INSL6: variants seen among roughly 807,000 people sequenced by gnomAD.
INSL6 encodes insulin like 6.
INSL6 carries 16 observed loss-of-function variants against 9.4 expected under a neutral mutation model. The observed-to-expected ratio is 1.70, with a 90% CI of 1.15 to 2.59. The LOEUF (loss-of-function observed/expected upper bound fraction) is 2.59, where lower values mean the gene tolerates loss of function less well. INSL6 is among the 30% of genes most tolerant of loss of function. The pLI is 0.00. For synonymous variants in INSL6, 154 were observed against 96.9 expected (o/e 1.59, Z -3.46); for missense variants, 391 against 257.3 (o/e 1.52, Z -3.56).
chr9:4,994,836 G>C, the INSL6 span, among the ~76,000 whole-genome samples: 1 of 152,028 alleles, frequency 6.6e-6, no homozygotes, highest in Admixed American at 6.5e-5. Flanking sequence ...AGAGTTGTCT[G>C]TATTTGTCTC....
chr9:4,995,936 T>A, the INSL6 span, among the ~76,000 whole-genome samples: 1 of 152,200 alleles, frequency 6.6e-6, no homozygotes, highest in African/African-American at 2.4e-5. Context: ...CTCTTATTAG[T>A]CTATTTTTGG....
the INSL6 span, among the ~76,000 whole-genome samples, chr9:5,006,605 A>G: frequency 6.6e-6 from 1 of 152,144 alleles, no homozygotes; most frequent in Non-Finnish European, 1.5e-5. Context: ...GGTGAAGGGG[A>G]AAAAAGTACA....
At chr9:5,035,720 G>A in the INSL6 span, among the ~76,000 whole-genome samples, 1 of 152,160 alleles carries the variant, frequency 6.6e-6, no homozygotes, top group Non-Finnish European at 1.5e-5. Context: ...AGGTATTGAT[G>A]GGACGTGTCT....
the INSL6 span, among the ~76,000 whole-genome samples, chr9:5,088,168 CAG>C: frequency 6.6e-6 from 1 of 152,142 alleles, no homozygotes; most frequent in African/African-American, 2.4e-5. Context: ...TCCGCGGTCA[CAG>C]AGAGAGCAAG....
At chr9:5,009,272 A>C in the INSL6 span, among the ~76,000 whole-genome samples, 1 of 152,200 alleles carries the variant, frequency 6.6e-6, no homozygotes, top group East Asian at 1.9e-4. Flanking sequence ...AATGCAAAAG[A>C]GGCAAAATTA....
chr9:5,048,791 C>T, the INSL6 span, among the ~76,000 whole-genome samples: 5 of 152,140 alleles, frequency 3.3e-5, no homozygotes, highest in African/African-American at 1.2e-4. Context: ...GCTTTAATTT[C>T]ATGAGACAAG....
chr9:5,015,891 AT>A, the INSL6 span, among the ~76,000 whole-genome samples: 1 of 147,808 alleles, frequency 6.8e-6, no homozygotes, highest in African/African-American at 2.7e-5. Context: ...ATATTAAAAT[AT>A]AAAAAGAGTA....
chr9:5,040,888 G>T, the INSL6 span: 1 of 296,296 alleles, frequency 3.4e-6, no homozygotes, highest in African/African-American at 2.3e-5. Context: ...GCGCCGCGCT[G>T]CTGAAGCCTG....
chr9:5,149,719 G>A (rs1030313727), intron 2 of INSL6, among the ~76,000 whole-genome samples: 28 of 151,042 alleles, frequency 1.9e-4, no homozygotes, highest in Non-Finnish European at 3.5e-4. Context: ...TTTTTTCACA[G>A]AATTAGAAAA....
In INSL6 at chr9:5,153,713, C is replaced by G. The variant is rs568702934; in HGVS notation, c.376+10466G>C. ...AGAGAGCCAAATCATGAGTGAAGTC[C>G]CATTCACAACTGCTACTAAGAGAAT... is the stretch of plus-strand genomic sequence containing the variant. On this transcript the variant is annotated intron_variant, in intron 2 of 3. Coordinates refer to the INSL6 transcript ENST00000649639. Among the ~76,000 whole-genome samples the G allele has an allele frequency of 5.3e-5, 8 of 152,196 alleles. No individual in the cohort carries two copies. In the East Asian group the frequency reaches 1.5e-3, roughly 29 times the overall value.
At chr9:5,161,906 C>T (rs1444628353), downstream of INSL6, among the ~76,000 whole-genome samples, 1 of 152,024 alleles carries the variant, frequency 6.6e-6, no homozygotes, top group African/African-American at 2.4e-5. Context: ...CACAGCAAGA[C>T]TCTGTCTCTA....
chr9:5,174,548 T>C (rs1320151973), intron 1 of INSL6, among the ~76,000 whole-genome samples: 5 of 152,212 alleles, frequency 3.3e-5, no homozygotes, highest in Admixed American at 6.5e-5. Flanking sequence ...TTACAAGTTC[T>C]CACTCCCCAA....
chr9:5,044,981 G>A, the INSL6 span, among the ~76,000 whole-genome samples: 1 of 152,104 alleles, frequency 6.6e-6, no homozygotes, highest in Non-Finnish European at 1.5e-5. Context: ...TTTATAGGAA[G>A]GTGACTGGAT....
the INSL6 span, among the ~76,000 whole-genome samples, chr9:5,104,595 G>C: frequency 8.5e-5 from 13 of 152,254 alleles, no homozygotes; most frequent in Admixed American, 7.8e-4. Context: ...AAGCCTAGCA[G>C]AGACACCACA....
the INSL6 span, among the ~76,000 whole-genome samples, chr9:5,003,400 A>C: frequency 6.6e-6 from 1 of 152,006 alleles, no homozygotes; most frequent in Non-Finnish European, 1.5e-5. Context: ...TTTTGTAGAA[A>C]TGTTTTACAG....
intron 1 of INSL6, among the ~76,000 whole-genome samples, chr9:5,173,412 T>C (rs190796364): frequency 1.8e-4 from 28 of 152,280 alleles, no homozygotes; most frequent in Admixed American, 5.9e-4. Context: ...ATATACACCA[T>C]GGAATACTAT....
chr9:5,052,042 A>G, the INSL6 span, among the ~76,000 whole-genome samples: 1 of 152,130 alleles, frequency 6.6e-6, no homozygotes, highest in Non-Finnish European at 1.5e-5. Flanking sequence ...AGTAGAACAT[A>G]GTTGGAGGAA....
chr9:5,111,085 TG>T, the INSL6 span: 1 of 1,223,278 alleles, frequency 8.2e-7, no homozygotes, highest in Non-Finnish European at 1.1e-6. Context: ...CTCAGGCTCC[TG>T]GGGCAGCGGC....
the INSL6 span, among the ~76,000 whole-genome samples, chr9:5,040,718 A>G: frequency 2.0e-5 from 3 of 152,264 alleles, no homozygotes; most frequent in Admixed American, 2.0e-4. Context: ...AAGATGCCCA[A>G]CAGGTGGGCC....
Sources: gnomAD v4.1 joint callset for allele counts (sites outside exome capture counted in the v4.1 genomes callset) on GRCh38, gnomAD v4.1.1 for gene constraint, MANE v1.5 for transcripts, NCBI Gene and HGNC (gene_info 2026-07-23, HGNC 2026-07-21) for gene names.